The following PMVK variants were observed in gnomAD, a reference collection of about 807,000 sequenced individuals.
PMVK encodes testis tissue sperm-binding protein Li 95mP.
Under a neutral mutation model 19.0 loss-of-function variants are expected in PMVK, and 10 were observed. That is an observed-to-expected ratio of 0.53 (90% CI 0.32 to 0.89). The LOEUF (loss-of-function observed/expected upper bound fraction) is 0.89, where lower values mean the gene tolerates loss of function less well. Among genes scored for constraint, PMVK ranks in the 40% least tolerant of loss-of-function variants. The pLI, the probability that PMVK is intolerant of heterozygous loss-of-function variation, is 0.03. For missense variants in PMVK, 222 were observed against 251.1 expected, an observed-to-expected ratio of 0.88 and a Z score of 0.78; for synonymous variants, 108 against 101.6, an observed-to-expected ratio of 1.06 and a Z score of -0.38.
chr1:154,928,921 TG>T (rs1462656333), intron 3 of PMVK, 102 bp downstream of exon 3: 2 of 1,152,974 alleles, frequency 1.7e-6, no homozygotes, highest in East Asian at 2.3e-5. Context: ...CCAGAAATGG[TG>T]GGGGCTTGGG....
Position 154,924,787 on chromosome 1 carries a change from C to A in PMVK, c.*342G>T, listed in dbSNP as rs1046863. The A allele has an allele frequency of 1.2e-4, 34 of 282,282 alleles. No individual in the cohort carries two copies. The highest frequency in any genetic ancestry group is 6.4e-4 in the South Asian group (13 of 20,166). 17.5% of individuals were successfully genotyped at this position (282,282 alleles called of 1,614,324 possible). A position where few individuals can be genotyped will look rare whatever the true frequency, so the allele number is the denominator to read the frequency against. ...TATCCACACTGGGGAGCTCTGGGTT[C>A]TTGCCCAGAACAAGGGGCTGAGAAC... On this transcript the variant is annotated 3_prime_UTR_variant, in exon 5 of 5. Transcript: ENST00000368467.
intron 1 of PMVK, among the ~76,000 whole-genome samples, chr1:154,933,862 C>T (rs1202732851): frequency 1.3e-5 from 2 of 152,084 alleles, no homozygotes; most frequent in Non-Finnish European, 2.9e-5. Flanking sequence ...GGCACCATCT[C>T]GTCTCACCAC....
At chr1:154,930,720 C>T (rs1180820177) in intron 2 of PMVK, among the ~76,000 whole-genome samples, 3 of 151,810 alleles carry the variant, frequency 2.0e-5, no homozygotes, top group African/African-American at 7.3e-5. Flanking sequence ...TGCAGCATCG[C>T]TCCCAGTCTG....
Position 154,929,045 on chromosome 1 carries a change from C to T in PMVK, c.291G>A (p.Glu97=). The T allele has an allele frequency of 6.2e-7, 1 of 1,614,132 alleles. No homozygotes were observed. Among genetic ancestry groups the T allele is most frequent in the Non-Finnish European group, 8.5e-7 (1 of 1,180,004 alleles). ...DPGFFCRKIV[E]GISQPIWLVS... ...TTACCCAGATGGGCTGGGAGATGCC[C>T]TCCACAATCTTCCTGCAAAAGAAGC... The change falls in exon 3 of 5, where the codon GAG becomes GAA. Residue 97 remains glutamate (E), a synonymous_variant. Coordinates refer to ENST00000368467, the MANE Select transcript of PMVK (RefSeq NM_006556.4).
chr1:154,931,289 T>A (rs1043496142), intron 2 of PMVK, among the ~76,000 whole-genome samples: 2 of 151,994 alleles, frequency 1.3e-5, no homozygotes, highest in African/African-American at 4.8e-5. Flanking sequence ...AAAGCACACG[T>A]CCCAGAAGGG....
upstream of PMVK, among the ~76,000 whole-genome samples, chr1:154,939,529 C>CAA (rs758991710): frequency 2.9e-5 from 4 of 136,300 alleles, no homozygotes; most frequent in East Asian, 4.0e-4. Flanking sequence ...ACTAAAAATA[C>CAA]AAAAAAAAAA....
At chr1:154,939,937 T>C (rs1384004856), upstream of PMVK, among the ~76,000 whole-genome samples, 1 of 151,744 alleles carries the variant, frequency 6.6e-6, no homozygotes, top group African/African-American at 2.4e-5. Context: ...GTTAAACTTT[T>C]TTTTTTTTTT....
In PMVK at chr1:154,925,201, C is replaced by T; in HGVS notation, c.507G>A (p.Glu169=). 1 of 1,613,556 alleles carries T rather than the reference C, an allele frequency of 6.2e-7. No homozygotes were observed. The highest frequency in any genetic ancestry group is 8.5e-7 in the Non-Finnish European group (1 of 1,179,752). Residue 169 remains glutamate (E), a synonymous_variant, in exon 5 of 5, where the codon GAG becomes GAA. Transcript: ENST00000368467. ...CCAGGCGCTGTTCAACTCCATGGTT[C>T]TCGATGACCCAGTCAAAGTCCCCGA... The part of the protein sequence containing the change: ...DNFGDFDWVI[E]NHGVEQRLEE...
chr1:154,927,651 G>T (rs986601525), intron 3 of PMVK, among the ~76,000 whole-genome samples: 3 of 131,978 alleles, frequency 2.3e-5, no homozygotes, highest in African/African-American at 3.9e-5. Flanking sequence ...TCCGCCCTGG[G>T]AAGTCTGACC....
chr1:154,936,694 C>T lies in PMVK; in HGVS notation c.-9G>A. The T allele has an allele frequency of 6.3e-7, 1 of 1,596,548 alleles. No homozygotes were observed. Among genetic ancestry groups the T allele is most frequent in the Non-Finnish European group, 8.5e-7 (1 of 1,171,674 alleles). The stretch of plus-strand genomic sequence containing the variant: ...CCTCCCAGCGGGGCCATGGGGCCGC[C>T]ACGCCTCGCGATGCCTGAAGCTGAC... On this transcript the variant is annotated 5_prime_UTR_variant, in exon 1 of 5. Transcript: ENST00000368467.
At chr1:154,936,776 G>T, upstream of PMVK, 1 of 1,196,802 alleles carries the variant, frequency 8.4e-7, no homozygotes, top group Non-Finnish European at 1.2e-6. Flanking sequence ...GCCACTAAGC[G>T]GAGCGGCAAC....
chr1:154,940,813 C>T (rs916135461), upstream of PMVK, among the ~76,000 whole-genome samples: 2 of 152,208 alleles, frequency 1.3e-5, no homozygotes, highest in East Asian at 1.9e-4. Context: ...CATCTTTTCC[C>T]GCCAGCTCCT....
intron 2 of PMVK, among the ~76,000 whole-genome samples, chr1:154,929,545 A>AG (rs961239135): frequency 2.6e-5 from 4 of 151,974 alleles, no homozygotes; most frequent in African/African-American, 4.8e-5. Context: ...GGGAAATCTG[A>AG]GGGGGGAAAA....
intron 1 of PMVK, chr1:154,936,335 AAC>A: frequency 1.1e-6 from 1 of 946,384 alleles, no homozygotes; most frequent in Non-Finnish European, 1.3e-6. Flanking sequence ...CCTTCGTAGG[AAC>A]CATTATTAAT....
At chr1:154,936,560 C>G (rs369608268) in intron 1 of PMVK, 31 bp downstream of exon 1, 1 of 1,573,442 alleles carries the variant, frequency 6.4e-7, no homozygotes, top group Admixed American at 1.9e-5. Flanking sequence ...GCGGAGAGCT[C>G]CCCCTTCCAC....
chr1:154,932,473 C>G, intron 1 of PMVK, 58 bp from the exon 2 acceptor site: 2 of 1,265,082 alleles, frequency 1.6e-6, no homozygotes, highest in Non-Finnish European at 2.2e-6. Context: ...GCTTCCATGT[C>G]CCAGAAAGGG....
At chr1:154,934,146 G>A (rs11799384) in intron 1 of PMVK, among the ~76,000 whole-genome samples, 5 of 151,880 alleles carry the variant, frequency 3.3e-5, no homozygotes, top group African/African-American at 9.7e-5. Flanking sequence ...ACTACAGGCC[G>A]GCGCCACCAC....
At chr1:154,925,688 A>C (rs1451320683) in intron 4 of PMVK, among the ~76,000 whole-genome samples, 1 of 151,762 alleles carries the variant, frequency 6.6e-6, no homozygotes, top group Non-Finnish European at 1.5e-5. Flanking sequence ...TCCTCCTCTC[A>C]CTCTTTGTGA....
At position 154,924,829 on chromosome 1, in the gene PMVK, A is replaced by G; in HGVS notation, c.*300T>C. The stretch of plus-strand genomic sequence containing the variant: ...GCTGAGAACATCCAGTCAGGATGCA[A>G]GGCCACCACAGGCTGAGGGGACTGG... On this transcript the variant is annotated 3_prime_UTR_variant, in exon 5 of 5. Transcript: ENST00000368467. 2.7e-6 allele frequency: 1 copy of G among 375,492 alleles called. No individual in the cohort carries two copies. The allele number at this position is 375,492 out of a possible 1,614,324, so 23.3% of individuals were successfully genotyped here.
Sources: gnomAD v4.1 joint callset for allele counts (sites outside exome capture counted in the v4.1 genomes callset) on GRCh38, gnomAD v4.1.1 for gene constraint, MANE v1.5 for transcripts, NCBI Gene and HGNC (gene_info 2026-07-23, HGNC 2026-07-21) for gene names.